COL5A2: variants seen among roughly 807,000 people sequenced by gnomAD.
The protein encoded by COL5A2 is collagen type V alpha 2 chain.
Under a neutral mutation model 208.2 loss-of-function variants are expected in COL5A2, and 23 were observed. The observed-to-expected ratio is 0.11, with a 90% confidence interval of 0.08 to 0.16. The LOEUF is 0.16. COL5A2 is among the 10% of genes least tolerant of loss of function. The pLI is 1.00. For missense variants in COL5A2, 1,590 were observed against 1,956.4 expected, an observed-to-expected ratio of 0.81 and a Z score of 3.53; for synonymous variants, 625 against 628.5, an observed-to-expected ratio of 0.99 and a Z score of 0.08.
intron 1 of COL5A2, among the ~76,000 whole-genome samples, chr2:189,137,177 C>G (rs1470384383): frequency 6.6e-6 from 1 of 152,092 alleles, no homozygotes; most frequent in Non-Finnish European, 1.5e-5. Flanking sequence ...TTAAATATAG[C>G]AATAGAATGT....
At chr2:189,266,780 T>C in the COL5A2 span, among the ~76,000 whole-genome samples, 675 of 152,252 alleles carry the variant, frequency 4.4e-3, 3 homozygotes, top group African/African-American at 0.016. Context: ...ATATGAGTTA[T>C]ACCTCAAAAG....
chr2:189,264,470 T>C, the COL5A2 span, among the ~76,000 whole-genome samples: 32 of 152,156 alleles, frequency 2.1e-4, no homozygotes, highest in Non-Finnish European at 1.3e-4. Context: ...TACTGTTTGA[T>C]TATATTTGTA....
At position 189,046,549 on chromosome 2, in the gene COL5A2, T is replaced by G. The variant is rs184134719; in HGVS notation, c.3202-642A>C. Among the ~76,000 whole-genome samples, 662 of 152,244 alleles carry G rather than the reference T, an allele frequency of 4.3e-3. 5 individuals carry two copies. The highest frequency in any genetic ancestry group is 6.8e-3 in the Middle Eastern group (2 of 294). ...CGAAGGATTTGGAAAATAAAGAGGC[T>G]CCTTTTTATTTTATCCAGATGACAC... On this transcript the variant is annotated intron_variant, in intron 45 of 53. Coordinates refer to ENST00000374866, the MANE Select transcript of COL5A2 (RefSeq NM_000393.5).
At chr2:189,220,456 G>C (rs1689334422) in intron 1 of COL5A2, among the ~76,000 whole-genome samples, 2 of 118,622 alleles carry the variant, frequency 1.7e-5, no homozygotes, top group South Asian at 6.6e-4. Context: ...GCTCTAATAA[G>C]CTCGGTGTAT....
chr2:189,403,055 T>C, the COL5A2 span, among the ~76,000 whole-genome samples: 32 of 152,344 alleles, frequency 2.1e-4, no homozygotes, highest in South Asian at 8.3e-4. Flanking sequence ...TGGAATGTTT[T>C]TCCATTTGCT....
chr2:189,334,799 G>A, the COL5A2 span, among the ~76,000 whole-genome samples: 1 of 151,998 alleles, frequency 6.6e-6, no homozygotes, highest in Admixed American at 6.5e-5. Flanking sequence ...CAAAAAAAAT[G>A]TTTAAGGGCT....
chr2:189,086,907 C>T (rs1686675507), intron 8 of COL5A2, 137 bp from the exon 9 acceptor site: 1 of 738,754 alleles, frequency 1.4e-6, no homozygotes, highest in Non-Finnish European at 2.3e-6. Context: ...TCCATCTGTA[C>T]TCATTTGGAA....
the COL5A2 span, among the ~76,000 whole-genome samples, chr2:189,330,286 T>C: frequency 6.6e-6 from 1 of 152,076 alleles, no homozygotes; most frequent in Non-Finnish European, 1.5e-5. Context: ...GGGCCATCAC[T>C]GATTGCAAGG....
chr2:189,244,676 A>C, the COL5A2 span, among the ~76,000 whole-genome samples: 7 of 152,326 alleles, frequency 4.6e-5, no homozygotes, highest in African/African-American at 1.7e-4. Context: ...AAACTTTTCC[A>C]CATTTCCCTG....
At chr2:189,059,607 T>TTTTTC (rs1685983473) in intron 31 of COL5A2, among the ~76,000 whole-genome samples, 1 of 127,886 alleles carries the variant, frequency 7.8e-6, no homozygotes, top group Admixed American at 8.3e-5. Context: ...TTTTTTTTTT[T>TTTTTC]TTTTGAGACG....
chr2:189,085,935 T>G (rs1686648164), intron 9 of COL5A2, among the ~76,000 whole-genome samples, 163 bp from the exon 10 acceptor site: 1 of 152,234 alleles, frequency 6.6e-6, no homozygotes, highest in African/African-American at 2.4e-5. Context: ...TGTTTCCTAA[T>G]GTGTAAAATC....
Position 189,080,024 on chromosome 2 carries a change from T to C in COL5A2, c.914A>G (p.Lys305Arg). ...TTCACCTTTAGGGCCTTCAAGACCTTTGTGTCCCTGAGAATAAAAATGTAA... is the reference window on the plus strand; with the variant it reads ...TTCACCTTTAGGGCCTTCAAGACCTCTGTGTCCCTGAGAATAAAAATGTAA... ...LPGLKGHRGHKGLEGPKGEVG... is the reference protein window; with the variant it reads ...LPGLKGHRGHRGLEGPKGEVG... The change falls in exon 14 of 54, where the codon AAA (lysine) becomes AGA (arginine). Residue 305 changes from lysine to arginine, a missense_variant. Coordinates refer to ENST00000374866, the MANE Select transcript of COL5A2 (RefSeq NM_000393.5). The C allele has an allele frequency of 4.3e-6, 7 of 1,612,464 alleles. No individual in the cohort carries two copies. Among genetic ancestry groups the C allele is most frequent in the Non-Finnish European group, 5.9e-6 (7 of 1,178,696 alleles).
the COL5A2 span, among the ~76,000 whole-genome samples, chr2:189,344,961 T>G: frequency 1.3e-5 from 2 of 152,108 alleles, no homozygotes; most frequent in Non-Finnish European, 2.9e-5. Context: ...TCAGACTAGG[T>G]CCCGCTACTC....
the COL5A2 span, among the ~76,000 whole-genome samples, chr2:189,369,621 T>C: frequency 6.6e-6 from 1 of 151,690 alleles, no homozygotes; most frequent in Non-Finnish European, 1.5e-5. Context: ...ATTTTGATTA[T>C]TATAGTAGAA....
chr2:189,364,953 C>T, the COL5A2 span, among the ~76,000 whole-genome samples: 1 of 152,062 alleles, frequency 6.6e-6, no homozygotes, highest in Non-Finnish European at 1.5e-5. Flanking sequence ...AATAATAGGG[C>T]AATCTGGGTC....
the COL5A2 span, among the ~76,000 whole-genome samples, chr2:189,366,192 T>TA: frequency 6.6e-6 from 1 of 152,220 alleles, no homozygotes. Context: ...GCCTTACCAG[T>TA]AATAAGCGTT....
the COL5A2 span, among the ~76,000 whole-genome samples, chr2:189,284,870 G>A: frequency 6.6e-6 from 1 of 152,014 alleles, no homozygotes; most frequent in Non-Finnish European, 1.5e-5. Context: ...GTCCATTGTT[G>A]ACTACTGTTC....
chr2:189,057,737 A>C (rs971818813), intron 33 of COL5A2, among the ~76,000 whole-genome samples: 2 of 152,222 alleles, frequency 1.3e-5, no homozygotes, highest in African/African-American at 4.8e-5. Context: ...TATATTAAGA[A>C]AGAAAGACAT....
At chr2:189,078,267 G>T (rs758710965) in intron 16 of COL5A2, among the ~76,000 whole-genome samples, 1 of 151,688 alleles carries the variant, frequency 6.6e-6, no homozygotes, top group African/African-American at 2.4e-5. Context: ...CTTAATTTTT[G>T]TATTAAAGTA....
Sources: gnomAD v4.1 joint callset for allele counts (sites outside exome capture counted in the v4.1 genomes callset) on GRCh38, gnomAD v4.1.1 for gene constraint, MANE v1.5 for transcripts, NCBI Gene and HGNC (gene_info 2026-07-23, HGNC 2026-07-21) for gene names.